ITPR3: variants seen among roughly 807,000 people sequenced by gnomAD.
The protein encoded by ITPR3 is inositol 1,4,5-trisphosphate receptor type 3, also known as inositol 1,4,5-trisphosphate-gated calcium channel ITPR3.
A neutral mutation model predicts 293.2 loss-of-function variants in ITPR3; 173 were observed. The ratio of observed to expected loss-of-function variants is 0.59; its 90% CI spans 0.52 to 0.67. The LOEUF (loss-of-function observed/expected upper bound fraction) is 0.67. Among genes scored for constraint, ITPR3 ranks in the 30% least tolerant of loss-of-function variants. The probability of loss-of-function intolerance (pLI) is 0.00; values close to 1 mark genes in which losing one functional copy is unlikely to be tolerated. For synonymous variants in ITPR3, 1,295 were observed against 1,444.4 expected (o/e 0.90, Z 2.35); for missense variants, 2,796 against 3,592.1 (o/e 0.78, Z 5.66).
Position 33,688,382 on chromosome 6 carries a change from C to T in ITPR3, c.6519C>T (p.Asp2173=). ...EQGSKVSDFF[D]QSSFLHNEME... is the part of the protein sequence containing the mutation. ...GCAGCAAAGTGAGCGACTTCTTCGACCAGTCCTCCTTCCTGCACAACGAGA... is the reference window on the plus strand; with the variant it reads ...GCAGCAAAGTGAGCGACTTCTTCGATCAGTCCTCCTTCCTGCACAACGAGA... The change falls in exon 48 of 58, where the codon GAC becomes GAT. Residue 2173 remains aspartate (D), a synonymous_variant. Coordinates refer to ENST00000605930, the MANE Select transcript of ITPR3 (RefSeq NM_002224.4). 6.2e-7 allele frequency: 1 copy of T among 1,612,252 alleles called. No individual in the cohort carries two copies. Among genetic ancestry groups the T allele is most frequent in the African/African-American group, 1.3e-5 (1 of 74,864 alleles).
At chr6:33,689,457 T>C in intron 50 of ITPR3, 47 bp downstream of exon 50, 1 of 1,592,994 alleles carries the variant, frequency 6.3e-7, no homozygotes, top group Non-Finnish European at 8.5e-7. Flanking sequence ...TCATGCTCAC[T>C]GTGCATTCAG....
At chr6:33,690,013 A>AGGG (rs1765347172) in intron 50 of ITPR3, 21 bp from the exon 51 acceptor site, 1 of 1,613,914 alleles carries the variant, frequency 6.2e-7, no homozygotes, top group East Asian at 2.2e-5. Flanking sequence ...GCTGACTCTC[A>AGGG]TGCCTTGCAC....
chr6:33,683,264 T>C lies in ITPR3; in HGVS notation c.4655T>C (p.Leu1552Pro), dbSNP rs1380021100. Residue 1552 changes from leucine (L) to proline (P), a missense_variant, in exon 35 of 58, where the codon CTC becomes CCC. Physicochemically the swap from Leu to Pro is moderately conservative, Grantham distance 98 (BLOSUM62 -3). Around this residue, in one of 8 missense-constraint regions of ITPR3, gnomAD observed 704 missense variants for 797.5 expected, o/e 0.88. Coordinates refer to ENST00000605930, the MANE Select transcript of ITPR3 (RefSeq NM_002224.4). The surrounding 1 kb of genome is among the most constrained non-coding windows in gnomAD (Gnocchi z 4.5). ...MDLDAHISSMLSSGASCAAAA... is the reference protein window; with the variant it reads ...MDLDAHISSMPSSGASCAAAA... ...CTGGATGCCCACATCAGCTCGATGC[T>C]CAGCAGTGGAGCCAGCTGTGCAGCT... 6.4e-7 allele frequency: 1 copy of C among 1,570,398 alleles called. No homozygotes were observed. Among genetic ancestry groups the C allele is most frequent in the East Asian group, 2.3e-5 (1 of 42,738 alleles).
In ITPR3 at chr6:33,654,886, C is replaced by T. The variant is rs1764271171; in HGVS notation, c.161-880C>T. On this transcript the variant is annotated intron_variant, in intron 2 of 57. Transcript: ENST00000605930. This position sits in a 1 kb window ranked among gnomAD's most constrained non-coding sequence, Gnocchi z 4.1. ...GTCACCCACACCAGCCCCTCACCAG[C>T]ACCCAGAATCCTCCCTCCCCTCCTA... 6.6e-6 allele frequency among the ~76,000 whole-genome samples: 1 copy of T among 152,218 alleles called. No homozygotes were observed. The highest frequency in any genetic ancestry group is 2.4e-5 in the African/African-American group (1 of 41,460).
At position 33,692,982 on chromosome 6, in the gene ITPR3, C is replaced by T; in HGVS notation, c.7624+89C>T. 1 of 1,314,574 alleles carries T rather than the reference C, an allele frequency of 7.6e-7. No homozygotes were observed. Among genetic ancestry groups the T allele is most frequent in the South Asian group, 1.4e-5 (1 of 73,588 alleles). 81.4% of individuals were successfully genotyped at this position (1,314,574 alleles called of 1,614,324 possible). ...GCAGTAGCGGTTTGGCCCTTCCTGC[C>T]CTGGGGAACCCTGGCCCGGAGCTGA... On this transcript the variant is annotated intron_variant, in intron 55 of 57. Coordinates refer to ENST00000605930, the MANE Select transcript of ITPR3 (RefSeq NM_002224.4). The surrounding 1 kb of genome is among the most constrained non-coding windows in gnomAD (Gnocchi z 4.2).
chr6:33,629,454 T>C (rs941315913), intron 1 of ITPR3, among the ~76,000 whole-genome samples: 11 of 37,138 alleles, frequency 3.0e-4, no homozygotes, highest in Non-Finnish European at 4.9e-4. Flanking sequence ...TGGGCCCAGG[T>C]TGTCTGTGTT....
chr6:33,687,032 G>T lies in ITPR3; in HGVS notation c.6003G>T (p.Leu2001=). 6.2e-7 allele frequency: 1 copy of T among 1,613,990 alleles called. No individual in the cohort carries two copies. Among genetic ancestry groups the T allele is most frequent in the South Asian group, 1.1e-5 (1 of 91,074 alleles). The change falls in exon 44 of 58, where the codon CTG becomes CTT. Residue 2001 remains leucine, a synonymous_variant. Coordinates refer to ENST00000605930, the MANE Select transcript of ITPR3 (RefSeq NM_002224.4). This position sits in a 1 kb window ranked among gnomAD's most constrained non-coding sequence, Gnocchi z 5.3. ...AGGACAATGCCTCCAAGCTGCTCCT[G>T]GCTCTGATGGAGAGCCGGCATGACA... ...QLKDNASKLL[L]ALMESRHDSE...
chr6:33,676,082 A>G (rs903287112), intron 25 of ITPR3, among the ~76,000 whole-genome samples: 2 of 152,228 alleles, frequency 1.3e-5, no homozygotes, highest in African/African-American at 4.8e-5. Flanking sequence ...AAACTATTAT[A>G]TGCACCTATG....
Position 33,680,616 on chromosome 6 carries a change from T to C in ITPR3, c.4412T>C (p.Val1471Ala), listed in dbSNP as rs746282120. Residue 1471 changes from valine (V) to alanine (A), a missense_variant, in exon 33 of 58, where the codon GTT (valine) becomes GCT (alanine). By Grantham distance (64) the Val-to-Ala change is moderately conservative. This residue lies in a region of ITPR3 where 344 missense variants were observed against 460.3 expected (regional missense o/e 0.75). Coordinates refer to ENST00000605930, the MANE Select transcript of ITPR3 (RefSeq NM_002224.4). ...DPTLEKYVLS[V>A]VLDTINAFFS... ...ACCTTGGAGAAGTACGTGCTGAGCG[T>C]TGTGCTGGACACCATCAACGCCTTC... 3 of 1,614,124 alleles carry C rather than the reference T, an allele frequency of 1.9e-6. No individual in the cohort carries two copies. The Admixed American group carries it at 5.0e-5, about 27-fold the overall frequency.
At chr6:33,690,237 T>TG in intron 51 of ITPR3, 39 bp downstream of exon 51, 15 of 1,401,422 alleles carry the variant, frequency 1.1e-5, no homozygotes, top group Non-Finnish European at 1.2e-5. Flanking sequence ...GATGGGGGCA[T>TG]GGGGTGGTTG....
Position 33,667,868 on chromosome 6 carries a change from C to T in ITPR3, c.1790C>T (p.Ala597Val), listed in dbSNP as rs1371676267. ...YDILAEDTIT[A>V]LLHNNRKLLE... ...ATCCTGGCCGAGGACACCATCACTG[C>T]CCTGCTGCACAACAACCGCAAGCTC... Residue 597 changes from alanine (A) to valine (V), a missense_variant, in exon 16 of 58, where the codon GCC (alanine) becomes GTC (valine). Ala to Val is a moderately conservative substitution (Grantham distance 64, BLOSUM62 0). Around this residue, in one of 8 missense-constraint regions of ITPR3, gnomAD observed 955 missense variants for 1,180.8 expected, o/e 0.81. Coordinates refer to ENST00000605930, the MANE Select transcript of ITPR3 (RefSeq NM_002224.4). The surrounding 1 kb of genome is among the most constrained non-coding windows in gnomAD (Gnocchi z 4.4). 6.2e-7 allele frequency: 1 copy of T among 1,614,100 alleles called. No homozygotes were observed. Among genetic ancestry groups the T allele is most frequent in the Non-Finnish European group, 8.5e-7 (1 of 1,180,034 alleles).
At position 33,695,854 on chromosome 6, in the gene ITPR3, C is replaced by T. The variant is rs1765531998; in HGVS notation, c.*74C>T. 2.7e-6 allele frequency: 4 copies of T among 1,496,980 alleles called. No individual in the cohort carries two copies. In the East Asian group the frequency reaches 9.1e-5, roughly 34 times the overall value. 92.7% of individuals were successfully genotyped at this position (1,496,980 alleles called of 1,614,324 possible). ...CGACTGGGAAGAACACTGCCCCCTCCCTCGGGTTGGGTGGCCCAGCCAGCT... is the reference window on the plus strand; with the variant it reads ...CGACTGGGAAGAACACTGCCCCCTCTCTCGGGTTGGGTGGCCCAGCCAGCT... On this transcript the variant is annotated 3_prime_UTR_variant, in exon 58 of 58. Coordinates refer to ENST00000605930, the MANE Select transcript of ITPR3 (RefSeq NM_002224.4).
chr6:33,648,899 T>A (rs1764128414), intron 2 of ITPR3, among the ~76,000 whole-genome samples: 1 of 150,272 alleles, frequency 6.7e-6, no homozygotes. Flanking sequence ...CAGGCTGCCA[T>A]GTGTATTTTT....
chr6:33,661,992 G>GAAA (rs55958712), intron 7 of ITPR3, among the ~76,000 whole-genome samples: 6,405 of 47,058 alleles, frequency 0.14, 1,571 homozygotes, highest in Non-Finnish European at 0.2. Context: ...GACTGTCTCT[G>GAAA]AAAAAAAAAA....
At chr6:33,680,300 G>A in intron 31 of ITPR3, 29 bp from the exon 32 acceptor site, 3 of 1,601,730 alleles carry the variant, frequency 1.9e-6, no homozygotes, top group Non-Finnish European at 2.6e-6. Context: ...GGCCCTGCTT[G>A]CGCCCCTGAC....
chr6:33,687,686 G>A lies in ITPR3; in HGVS notation c.6264+122G>A. Reference sequence around the variant, plus strand: ...GAATATGAGCCAGGCTAGAATTTGGGGGTACAGCTCAGGGGGCTGATTGGG... The same window carrying A: ...GAATATGAGCCAGGCTAGAATTTGGAGGTACAGCTCAGGGGGCTGATTGGG... On this transcript the variant is annotated intron_variant, in intron 46 of 57. Coordinates refer to ENST00000605930, the MANE Select transcript of ITPR3 (RefSeq NM_002224.4). The surrounding 1 kb of genome is among the most constrained non-coding windows in gnomAD (Gnocchi z 5.3). 1.2e-6 allele frequency: 1 copy of A among 807,582 alleles called. No homozygotes were observed. The highest frequency in any genetic ancestry group is 2.7e-5 in the East Asian group (1 of 37,606). 50.0% of individuals were successfully genotyped at this position (807,582 alleles called of 1,614,324 possible). A position where few individuals can be genotyped will look rare whatever the true frequency, so the allele number is the denominator to read the frequency against.
intron 9 of ITPR3, 141 bp from the exon 10 acceptor site, chr6:33,663,359 G>T: frequency 1.3e-6 from 1 of 771,248 alleles, no homozygotes; most frequent in South Asian, 1.6e-5. Flanking sequence ...GGGCTCCCCT[G>T]GAATGATATG....
In ITPR3 at chr6:33,688,784, G is replaced by A. The variant is rs1765309702; in HGVS notation, c.6694+3G>A. ...TTACATGGAGGGCGCGTCCACAGGT[G>A]AGAACACAGGGCTGGCCGGCAGGTT... On this transcript the variant is annotated splice_donor_region_variant and intron_variant, in intron 49 of 57. Transcript: ENST00000605930. 1.2e-6 allele frequency: 2 copies of A among 1,614,060 alleles called. No individual in the cohort carries two copies. The highest frequency in any genetic ancestry group is 1.3e-5 in the African/African-American group (1 of 74,940).
chr6:33,692,014 G>C lies in ITPR3; in HGVS notation c.7458+86G>C. 2 of 1,566,258 alleles carry C rather than the reference G, an allele frequency of 1.3e-6. No individual in the cohort carries two copies. Among genetic ancestry groups the C allele is most frequent in the South Asian group, 1.1e-5 (1 of 89,806 alleles). ...TGTGGAGAGTCCTGTCCTTGGCCTC[G>C]CGTCAGATATTCAGGGTTGAACCCC... On this transcript the variant is annotated intron_variant, in intron 54 of 57. Transcript: ENST00000605930. The surrounding 1 kb of genome is among the most constrained non-coding windows in gnomAD (Gnocchi z 4.2).
Sources: allele counts gnomAD v4.1 joint callset (sites outside exome capture counted in the v4.1 genomes callset), GRCh38; gene constraint gnomAD v4.1.1; regional missense constraint gnomAD v4.1.1; non-coding constraint Gnocchi (gnomAD v3.1); transcripts MANE v1.5; gene names NCBI Gene and HGNC (gene_info 2026-07-23, HGNC 2026-07-21).